The following ACOXL variants were observed in gnomAD, a reference collection of about 807,000 sequenced individuals.
The protein encoded by ACOXL is acyl-CoA oxidase like.
Under a neutral mutation model 71.9 loss-of-function variants are expected in ACOXL, and 70 were observed. The ratio of observed to expected loss-of-function variants is 0.97; its 90% CI spans 0.80 to 1.19. The LOEUF (loss-of-function observed/expected upper bound fraction) is 1.19. ACOXL is among the 50% of genes most tolerant of loss of function. The pLI is 0.00. For missense variants in ACOXL, 703 were observed against 736.3 expected (o/e 0.95, Z 0.52); for synonymous variants, 253 against 281.6 (o/e 0.90, Z 1.02).
chr2:111,011,590 A>T (rs78040533), intron 14 of ACOXL, among the ~76,000 whole-genome samples: 1 of 152,172 alleles, frequency 6.6e-6, no homozygotes, highest in Non-Finnish European at 1.5e-5. Flanking sequence ...AAAACAAGGA[A>T]TGTTACCAGG....
chr2:111,076,657 C>T (rs2067614340), intron 16 of ACOXL, among the ~76,000 whole-genome samples: 1 of 152,114 alleles, frequency 6.6e-6, no homozygotes. Context: ...TCCATTTCCT[C>T]TTACATGTTG....
chr2:110,903,505 A>G (rs977929187), intron 10 of ACOXL, among the ~76,000 whole-genome samples: 4 of 152,236 alleles, frequency 2.6e-5, no homozygotes, highest in African/African-American at 9.6e-5. Flanking sequence ...GCGCACAAGC[A>G]CCACTTTTTG....
intron 1 of ACOXL, among the ~76,000 whole-genome samples, chr2:110,766,480 C>T (rs1258143771): frequency 6.6e-6 from 1 of 152,126 alleles, no homozygotes; most frequent in Non-Finnish European, 1.5e-5. Context: ...GTGAGATCAT[C>T]CCCTCCCCAC....
At chr2:111,086,499 T>C (rs1391850303) in intron 16 of ACOXL, among the ~76,000 whole-genome samples, 1 of 151,944 alleles carries the variant, frequency 6.6e-6, no homozygotes, top group Non-Finnish European at 1.5e-5. Context: ...TGAAATTCGA[T>C]AGATAGATGT....
intron 9 of ACOXL, among the ~76,000 whole-genome samples, chr2:110,811,164 C>T (rs1687270673): frequency 6.6e-6 from 1 of 152,160 alleles, no homozygotes; most frequent in Non-Finnish European, 1.5e-5. Context: ...TAGAGAAAAC[C>T]ATTCGACTAC....
At chr2:110,954,328 C>T (rs2061425904) in intron 12 of ACOXL, among the ~76,000 whole-genome samples, 1 of 151,974 alleles carries the variant, frequency 6.6e-6, no homozygotes, top group African/African-American at 2.4e-5. Flanking sequence ...CTGTTTAGTC[C>T]CAGTAGTTAT....
At chr2:110,859,823 C>T (rs1180470550) in intron 10 of ACOXL, among the ~76,000 whole-genome samples, 1 of 152,184 alleles carries the variant, frequency 6.6e-6, no homozygotes, top group Non-Finnish European at 1.5e-5. Context: ...AACCAAGTTC[C>T]TGGCCTGTGG....
chr2:111,007,810 C>T (rs2149653205), intron 14 of ACOXL, among the ~76,000 whole-genome samples: 1 of 152,320 alleles, frequency 6.6e-6, no homozygotes, highest in African/African-American at 2.4e-5. Context: ...CGCATTTGCA[C>T]ACAGATCTGT....
chr2:110,734,319 G>C (rs182076562), intron 1 of ACOXL, among the ~76,000 whole-genome samples: 1 of 151,864 alleles, frequency 6.6e-6, no homozygotes, highest in Non-Finnish European at 1.5e-5. Flanking sequence ...GTCCAGGCTG[G>C]AGTGCTGTGG....
At chr2:110,761,405 A>G (rs1176885272) in intron 1 of ACOXL, among the ~76,000 whole-genome samples, 1 of 152,164 alleles carries the variant, frequency 6.6e-6, no homozygotes, top group African/African-American at 2.4e-5. Flanking sequence ...GTCATTGATT[A>G]TGGAAGTTAC....
At chr2:111,116,189 T>C (rs2070341609) in intron 17 of ACOXL, among the ~76,000 whole-genome samples, 1 of 152,154 alleles carries the variant, frequency 6.6e-6, no homozygotes, top group Admixed American at 6.5e-5. Flanking sequence ...AGTTGACAGA[T>C]TAGTCAGGGA....
At chr2:110,955,181 T>C (rs924460212) in intron 12 of ACOXL, among the ~76,000 whole-genome samples, 4 of 152,198 alleles carry the variant, frequency 2.6e-5, no homozygotes, top group Non-Finnish European at 5.9e-5. Context: ...ATTTTGAATA[T>C]TGTTTTCCAT....
At chr2:110,932,854 G>A (rs1442651906) in intron 11 of ACOXL, among the ~76,000 whole-genome samples, 1 of 152,176 alleles carries the variant, frequency 6.6e-6, no homozygotes, top group Admixed American at 6.5e-5. Flanking sequence ...TTTCCAATGG[G>A]AGAACGATGT....
intron 14 of ACOXL, among the ~76,000 whole-genome samples, chr2:111,001,006 A>G (rs1256327556): frequency 2.0e-5 from 3 of 152,218 alleles, no homozygotes; most frequent in Non-Finnish European, 4.4e-5. Context: ...GAAATGTGTA[A>G]TCTAAGGATG....
chr2:110,992,081 G>A (rs571364334), intron 13 of ACOXL, among the ~76,000 whole-genome samples: 4 of 152,246 alleles, frequency 2.6e-5, no homozygotes, highest in Admixed American at 2.0e-4. Flanking sequence ...TTGGAAGCAC[G>A]ACACGCTCTC....
At chr2:110,826,793 A>G (rs1432493378) in intron 9 of ACOXL, among the ~76,000 whole-genome samples, 3 of 146,526 alleles carry the variant, frequency 2.0e-5, no homozygotes, top group African/African-American at 5.1e-5. Context: ...TTAAGGAGCA[A>G]TTAGGATTTT....
intron 3 of ACOXL, among the ~76,000 whole-genome samples, chr2:110,790,314 G>T (rs1381903034): frequency 6.6e-6 from 1 of 152,134 alleles, no homozygotes; most frequent in Non-Finnish European, 1.5e-5. Context: ...TCTCCTTTTA[G>T]TCTTTATTTA....
At chr2:110,759,554 C>T (rs1403583584) in intron 1 of ACOXL, among the ~76,000 whole-genome samples, 1 of 151,994 alleles carries the variant, frequency 6.6e-6, no homozygotes, top group Non-Finnish European at 1.5e-5. Flanking sequence ...TTATTTTGAG[C>T]CCATGTGTGT....
chr2:111,006,460 C>T (rs1025171896), intron 14 of ACOXL, among the ~76,000 whole-genome samples: 6 of 152,300 alleles, frequency 3.9e-5, no homozygotes, highest in South Asian at 2.1e-4. Context: ...GTAACCAACT[C>T]CCAGAAGTAC....
Sources: gnomAD v4.1 joint callset for allele counts (sites outside exome capture counted in the v4.1 genomes callset) on GRCh38, gnomAD v4.1.1 for gene constraint, MANE v1.5 for transcripts, NCBI Gene and HGNC (gene_info 2026-07-23, HGNC 2026-07-21) for gene names.